The following PKNOX1 variants were observed in gnomAD, a reference collection of about 807,000 sequenced individuals.
PKNOX1 encodes the protein PBX/knotted 1 homeobox 1.
In PKNOX1, 15 loss-of-function variants were observed where a neutral mutation model predicts 51.9. The observed-to-expected ratio is 0.29, with a 90% CI of 0.19 to 0.45. The LOEUF (loss-of-function observed/expected upper bound fraction) is 0.45, where lower values mean the gene tolerates loss of function less well. PKNOX1 is among the 20% of genes least tolerant of loss of function. The probability of loss-of-function intolerance (pLI) is 1.00; values close to 1 mark genes in which losing one functional copy is unlikely to be tolerated. For missense variants in PKNOX1, 462 were observed against 547.5 expected, an observed-to-expected ratio of 0.84 and a Z score of 1.56; for synonymous variants, 219 against 211.1, an observed-to-expected ratio of 1.04 and a Z score of -0.32.
chr21:43,014,669 A>T (rs1308215508), intron 5 of PKNOX1, among the ~76,000 whole-genome samples: 1 of 152,194 alleles, frequency 6.6e-6, no homozygotes, highest in Non-Finnish European at 1.5e-5. Flanking sequence ...GGCTTGTCCC[A>T]AACTCCTGGG....
At chr21:43,015,668 T>G (rs1209337622) in intron 5 of PKNOX1, among the ~76,000 whole-genome samples, 1 of 152,226 alleles carries the variant, frequency 6.6e-6, no homozygotes, top group African/African-American at 2.4e-5. Flanking sequence ...TCTTAAATGT[T>G]TGAGAAATAG....
intron 1 of PKNOX1, among the ~76,000 whole-genome samples, chr21:42,993,157 C>A (rs1194858191): frequency 6.6e-6 from 1 of 152,116 alleles, no homozygotes; most frequent in Non-Finnish European, 1.5e-5. Flanking sequence ...ACAAAGACCT[C>A]GTGTCTCGAT....
At chr21:42,982,223 A>T (rs1333332475) in intron 1 of PKNOX1, among the ~76,000 whole-genome samples, 1 of 152,112 alleles carries the variant, frequency 6.6e-6, no homozygotes, top group Non-Finnish European at 1.5e-5. Context: ...TGAGCTTCTG[A>T]CACCTGCACA....
chr21:43,008,781 A>AG (rs1225945313), intron 3 of PKNOX1, among the ~76,000 whole-genome samples: 1 of 114,278 alleles, frequency 8.8e-6, no homozygotes, highest in Non-Finnish European at 2.2e-5. Flanking sequence ...GCCCTATCTC[A>AG]AAAAAAAAAA....
At chr21:43,022,068 G>C (rs908534277) in intron 8 of PKNOX1, among the ~76,000 whole-genome samples, 1 of 152,374 alleles carries the variant, frequency 6.6e-6, no homozygotes, top group Non-Finnish European at 1.5e-5. Flanking sequence ...CAGGGCAGGA[G>C]AGAGCAGGCG....
intron 4 of PKNOX1, among the ~76,000 whole-genome samples, chr21:43,010,568 T>C (rs763356208): frequency 7.9e-5 from 12 of 152,058 alleles, no homozygotes; most frequent in Non-Finnish European, 1.6e-4. Flanking sequence ...TAAAATAAAA[T>C]AGGCCAGGCG....
rs984962744 is a variant in PKNOX1, at chr21:42,987,406, T to A, written c.-57+12742T>A. Among the ~76,000 whole-genome samples, 448 of 68,056 alleles carry A rather than the reference T, an allele frequency of 6.6e-3. 2 individuals carry two copies. The highest frequency in any genetic ancestry group is 0.016 in the East Asian group (62 of 3,888). The allele number at this position is 68,056 out of a possible 152,430, so 44.6% of individuals were successfully genotyped here. ...TCAAAAAAAAAAAAAAAAAAAAAAA[T>A]ATATATATATATATATATATATGTA... On this transcript the variant is annotated intron_variant, in intron 1 of 10. Transcript: ENST00000291547.
chr21:43,002,552 G>A (rs1472519657), intron 1 of PKNOX1, among the ~76,000 whole-genome samples: 2 of 152,160 alleles, frequency 1.3e-5, no homozygotes, highest in African/African-American at 4.8e-5. Flanking sequence ...CGTGGTGGCT[G>A]AGGCCACATT....
chr21:43,003,373 TTC>T (rs943341026), intron 1 of PKNOX1, among the ~76,000 whole-genome samples: 2 of 152,154 alleles, frequency 1.3e-5, no homozygotes, highest in African/African-American at 4.8e-5. Context: ...TTTTGCGGTT[TTC>T]TGTTGTCATG....
rs200233122 is a variant in PKNOX1, at chr21:43,021,476, G to A, written c.849+45G>A. On this transcript the variant is annotated intron_variant, in intron 8 of 10. Transcript: ENST00000291547. This position sits in a 1 kb window ranked among gnomAD's most constrained non-coding sequence, Gnocchi z 4.6. ...CCCTTGCCTTGCAGCCCTCTGCGAC[G>A]CTTGCTCTCTGGCTTATGTGTCATG... 4,374 of 1,543,662 alleles carry A rather than the reference G, an allele frequency of 2.8e-3. 7 individuals are homozygous for A. Among genetic ancestry groups the A allele is most frequent in the Non-Finnish European group, 3.5e-3 (3,978 of 1,142,332 alleles).
At chr21:43,026,247 G>A (rs956689614) in intron 9 of PKNOX1, among the ~76,000 whole-genome samples, 1 of 152,042 alleles carries the variant, frequency 6.6e-6, no homozygotes, top group Non-Finnish European at 1.5e-5. Context: ...GTCTTATCTA[G>A]GTTTAGTATC....
Position 43,033,561 on chromosome 21 carries a change from TTAAAAA to T in PKNOX1, c.*3463_*3468del, listed in dbSNP as rs547943405. On this transcript the variant is annotated 3_prime_UTR_variant, in exon 11 of 11. Transcript: ENST00000291547. The stretch of plus-strand genomic sequence containing the variant: ...CAATTGATTTATCAAAGCAAAAAAA[TTAAAAA>T]TAGAAACTTGCTTTATGGATGTTTT... The T allele has an allele frequency of 1.0e-4, 16 of 152,652 alleles. No homozygotes were observed. In the East Asian group the frequency reaches 2.9e-3, roughly 28 times the overall value. 9.5% of individuals were successfully genotyped at this position (152,652 alleles called of 1,614,324 possible).
chr21:43,028,797 C>A lies in PKNOX1; in HGVS notation c.1022C>A (p.Pro341Gln). ...KTKKKTAQNR[P>Q]VQRFWPDSIA... ...AAGAAAAAAACTGCTCAGAACCGGC[C>A]AGTTCAGAGGTTTTGGCCTGATTCT... Residue 341 changes from proline to glutamine, a missense_variant, in exon 10 of 11, where the codon CCA becomes CAA. Physicochemically the swap from Pro to Gln is moderately conservative, Grantham distance 76. Around this residue, in one of 5 missense-constraint regions of PKNOX1, gnomAD observed 75 missense variants for 129.8 expected, o/e 0.58. Coordinates refer to ENST00000291547, the MANE Select transcript of PKNOX1 (RefSeq NM_004571.5). The A allele has an allele frequency of 7.4e-6, 12 of 1,614,134 alleles. No individual in the cohort carries two copies. Among genetic ancestry groups the A allele is most frequent in the Non-Finnish European group, 1.0e-5 (12 of 1,180,016 alleles).
At chr21:43,005,775 A>G (rs1390745022) in intron 2 of PKNOX1, among the ~76,000 whole-genome samples, 1 of 152,000 alleles carries the variant, frequency 6.6e-6, no homozygotes, top group African/African-American at 2.4e-5. Flanking sequence ...CCTGCCTGCC[A>G]GGTCTTTGCT....
chr21:43,007,347 G>A, intron 2 of PKNOX1, 144 bp from the exon 3 acceptor site: 1 of 732,210 alleles, frequency 1.4e-6, no homozygotes, highest in Non-Finnish European at 2.3e-6. Flanking sequence ...ATTCAAAGCT[G>A]TTTTGTTGGT....
At position 43,030,762 on chromosome 21, in the gene PKNOX1, A is replaced by G. The variant is rs1468489768; in HGVS notation, c.*661A>G. On this transcript the variant is annotated 3_prime_UTR_variant, in exon 11 of 11. Transcript: ENST00000291547. The stretch of plus-strand genomic sequence containing the variant: ...ACTATATTGAGGATAAAATTTCTAG[A>G]GAAGAAACAATACATGCTTGCTATT... 6.6e-6 allele frequency: 1 copy of G among 152,502 alleles called. No individual in the cohort carries two copies. The highest frequency in any genetic ancestry group is 2.4e-5 in the African/African-American group (1 of 41,476). The allele number at this position is 152,502 out of a possible 1,614,324, so 9.4% of individuals were successfully genotyped here.
chr21:42,975,789 AC>A (rs2146212333), intron 1 of PKNOX1, among the ~76,000 whole-genome samples: 1 of 152,214 alleles, frequency 6.6e-6, no homozygotes, highest in East Asian at 1.9e-4. Flanking sequence ...TTCCAACTCT[AC>A]GAGAGTTTGC....
rs994963653 is a variant in PKNOX1, at chr21:43,031,621, T to A, written c.*1520T>A. 1 of 152,596 alleles carries A rather than the reference T, an allele frequency of 6.6e-6. No homozygotes were observed. The highest frequency in any genetic ancestry group is 1.5e-5 in the Non-Finnish European group (1 of 68,278). 9.5% of individuals were successfully genotyped at this position (152,596 alleles called of 1,614,324 possible). On this transcript the variant is annotated 3_prime_UTR_variant, in exon 11 of 11. Coordinates refer to ENST00000291547, the MANE Select transcript of PKNOX1 (RefSeq NM_004571.5). ...TGTCTTCATATCATCTGAAATGGTATGGCTGAAGTTCATTTGTTTACAGGG... is the reference window on the plus strand; with the variant it reads ...TGTCTTCATATCATCTGAAATGGTAAGGCTGAAGTTCATTTGTTTACAGGG...
intron 1 of PKNOX1, among the ~76,000 whole-genome samples, chr21:42,993,741 T>TGAAACAGAG (rs1978351323): frequency 9.4e-6 from 1 of 106,184 alleles, no homozygotes; most frequent in Admixed American, 9.8e-5. Flanking sequence ...TTTTCTTTTT[T>TGAAACAGAG]TTTTTTTTTG....
Sources: allele counts gnomAD v4.1 joint callset (sites outside exome capture counted in the v4.1 genomes callset), GRCh38; gene constraint gnomAD v4.1.1; regional missense constraint gnomAD v4.1.1; non-coding constraint Gnocchi (gnomAD v3.1); transcripts MANE v1.5; gene names NCBI Gene and HGNC (gene_info 2026-07-23, HGNC 2026-07-21).